Variants in ENOX2 observed in about 807,000 individuals in gnomAD.
ENOX2 encodes the protein APK1 antigen.
ENOX2 carries 36 observed loss-of-function variants against 45.0 expected under a neutral mutation model. That is an observed-to-expected ratio of 0.80 (90% confidence interval 0.61 to 1.06). ENOX2 has a LOEUF of 1.06. Among genes scored for constraint, ENOX2 ranks in the 50% least tolerant of loss-of-function variants. The pLI is 0.00. For synonymous variants in ENOX2, 174 were observed against 152.3 expected, an observed-to-expected ratio of 1.14 and a Z score of -1.05; for missense variants, 423 against 462.5, an observed-to-expected ratio of 0.91 and a Z score of 0.78.
intron 2 of ENOX2, among the ~76,000 whole-genome samples, chrX:130,810,190 A>G (rs2077368624): frequency 9.0e-6 from 1 of 110,868 alleles, no homozygotes; most frequent in Non-Finnish European, 1.9e-5. Context: ...AGGCTGCCTC[A>G]GTAAATCCCA....
intron 3 of ENOX2, among the ~76,000 whole-genome samples, chrX:130,735,209 G>A (rs754206754): frequency 1.2e-3 from 131 of 111,883 alleles, no homozygotes; most frequent in Non-Finnish European, 2.0e-3. Flanking sequence ...TTCTCTTCTG[G>A]CTGCCAGCTC....
At chrX:130,708,327 A>G (rs2038093790) in intron 3 of ENOX2, among the ~76,000 whole-genome samples, 1 of 111,782 alleles carries the variant, frequency 8.9e-6, no homozygotes, top group African/African-American at 3.3e-5. Context: ...AAGTCTACTG[A>G]GAGAACCAAG....
intron 8 of ENOX2, among the ~76,000 whole-genome samples, chrX:130,667,212 C>T (rs978832271): frequency 1.8e-5 from 2 of 112,206 alleles, no homozygotes; most frequent in Admixed American, 1.9e-4. Flanking sequence ...GCTGATGCTA[C>T]ATCGTAACTT....
intron 2 of ENOX2, among the ~76,000 whole-genome samples, chrX:130,888,698 A>T (rs778669937): frequency 8.9e-6 from 1 of 112,736 alleles, no homozygotes; most frequent in South Asian, 3.6e-4. Context: ...AGAAAGAACT[A>T]ATATAATTTC....
At chrX:130,782,884 G>A (rs976971041) in intron 3 of ENOX2, among the ~76,000 whole-genome samples, 1 of 111,081 alleles carries the variant, frequency 9.0e-6, no homozygotes, top group African/African-American at 3.3e-5. Context: ...AGGCCAATGG[G>A]ACATGAGGGA....
At chrX:130,837,092 A>T (rs1281250003) in intron 2 of ENOX2, among the ~76,000 whole-genome samples, 1 of 112,307 alleles carries the variant, frequency 8.9e-6, no homozygotes, top group Non-Finnish European at 1.9e-5. Flanking sequence ...TAAAATTGAA[A>T]GTGTTGGAAT....
At chrX:130,748,659 A>C (rs999910565) in intron 3 of ENOX2, among the ~76,000 whole-genome samples, 13 of 112,178 alleles carry the variant, frequency 1.2e-4, no homozygotes. Context: ...AATTCTAAAA[A>C]TACAGTAATT....
chrX:130,812,676 G>A (rs1411555936), intron 2 of ENOX2, among the ~76,000 whole-genome samples: 2 of 112,108 alleles, frequency 1.8e-5, no homozygotes, highest in Non-Finnish European at 3.8e-5. Context: ...TAAATGGAAA[G>A]ATATCCCATG....
At chrX:130,820,062 C>T (rs1033610628) in intron 2 of ENOX2, among the ~76,000 whole-genome samples, 5 of 111,911 alleles carry the variant, frequency 4.5e-5, no homozygotes, top group Admixed American at 2.8e-4. Context: ...ATTCGCAAAC[C>T]ATTTATCTGA....
chrX:130,650,454 T>C (rs2036368822), intron 10 of ENOX2, among the ~76,000 whole-genome samples: 1 of 112,217 alleles, frequency 8.9e-6, no homozygotes, highest in Non-Finnish European at 1.9e-5. Flanking sequence ...TGAGGGGTTT[T>C]TGTCATTTTA....
chrX:130,679,637 C>A lies in ENOX2; in HGVS notation c.365G>T (p.Cys122Phe), dbSNP rs1433057281. 11 of 1,208,949 alleles carry A rather than the reference C, an allele frequency of 9.1e-6. No homozygotes were observed. Among genetic ancestry groups the A allele is most frequent in the Non-Finnish European group, 1.2e-5 (11 of 894,282 alleles). Residue 122 changes from cysteine to phenylalanine, a missense_variant, in exon 6 of 15, where the codon TGT becomes TTT. Cys to Phe is a radical substitution (Grantham distance 205). This residue lies in a region of ENOX2 where 261 missense variants were observed against 306.8 expected (regional missense o/e 0.85). Coordinates refer to ENST00000394363, the MANE Select transcript of ENOX2 (RefSeq NM_006375.4). ...EQIIVEVFEQ[C>F]GEIIAIRKSK... ...CTTGCGAATGGCAATGATCTCTCCA[C>A]ACTGCTCGAAAACTTCCACAATGAT...
chrX:130,846,359 C>T (rs1250500243), intron 2 of ENOX2, among the ~76,000 whole-genome samples: 3 of 103,196 alleles, frequency 2.9e-5, no homozygotes, highest in South Asian at 4.3e-4. Context: ...TTTTTTGAGA[C>T]GAAGTTTCCT....
chrX:130,723,226 A>G (rs1452900626), intron 3 of ENOX2, among the ~76,000 whole-genome samples: 1 of 112,424 alleles, frequency 8.9e-6, no homozygotes, highest in Non-Finnish European at 1.9e-5. Context: ...AGAGAACCTC[A>G]ACAGAAGAAC....
chrX:130,670,728 TA>T (rs1238300056), intron 6 of ENOX2, among the ~76,000 whole-genome samples: 1,268 of 96,859 alleles, frequency 0.013, 22 homozygotes, highest in African/African-American at 0.038. Flanking sequence ...ATTTTTTTTC[TA>T]AAAAAAAAAA....
At position 130,781,915 on chromosome X, in the gene ENOX2, T is replaced by C. The variant is rs1248730993; in HGVS notation, c.-39+1632A>G. Among the ~76,000 whole-genome samples, 4 of 111,499 alleles carry C rather than the reference T, an allele frequency of 3.6e-5. No homozygotes were observed. The Admixed American group carries it at 3.8e-4, about 11-fold the overall frequency. On this transcript the variant is annotated intron_variant, in intron 3 of 14. Transcript: ENST00000394363. ...AGACAGGACATGTGTAAAATGTGGC[T>C]ATAATAACTAAAAGACCACCGCAGC... is the stretch of plus-strand genomic sequence containing the variant.
chrX:130,675,627 A>G (rs931345307), intron 6 of ENOX2, among the ~76,000 whole-genome samples: 4 of 112,209 alleles, frequency 3.6e-5, no homozygotes, highest in Non-Finnish European at 7.5e-5. Flanking sequence ...TATAGAAAGG[A>G]AGGAAGAGCA....
chrX:130,853,561 C>T (rs1382227900), intron 2 of ENOX2, among the ~76,000 whole-genome samples: 1 of 109,612 alleles, frequency 9.1e-6, no homozygotes, highest in East Asian at 2.9e-4. Flanking sequence ...TAAACAATAG[C>T]CAAACAACAC....
At chrX:130,783,315 C>T (rs1008093932) in intron 3 of ENOX2, among the ~76,000 whole-genome samples, 3 of 112,028 alleles carry the variant, frequency 2.7e-5, no homozygotes, top group Non-Finnish European at 5.6e-5. Context: ...GTTTTTCACC[C>T]TTTACACACT....
At chrX:130,741,275 A>AAT (rs1413592357) in intron 3 of ENOX2, among the ~76,000 whole-genome samples, 2 of 110,858 alleles carry the variant, frequency 1.8e-5, no homozygotes, top group South Asian at 3.9e-4. Flanking sequence ...CCCTGTGGGG[A>AAT]ATATATATAT....
Sources: allele counts gnomAD v4.1 joint callset (sites outside exome capture counted in the v4.1 genomes callset), GRCh38; gene constraint gnomAD v4.1.1; regional missense constraint gnomAD v4.1.1; transcripts MANE v1.5; gene names NCBI Gene and HGNC (gene_info 2026-07-23, HGNC 2026-07-21).